The following PCDHGB4 variants were observed in gnomAD, a reference collection of about 807,000 sequenced individuals.
PCDHGB4 encodes protocadherin gamma-B4.
PCDHGB4 carries 38 observed loss-of-function variants against 60.5 expected under a neutral mutation model. The ratio of observed to expected loss-of-function variants is 0.63; its 90% CI spans 0.48 to 0.82. The LOEUF is 0.82. PCDHGB4 is among the 40% of genes least tolerant of loss of function. The pLI is 0.00. For missense variants in PCDHGB4, 1,109 were observed against 1,209.6 expected, an observed-to-expected ratio of 0.92 and a Z score of 1.23; for synonymous variants, 456 against 509.7, an observed-to-expected ratio of 0.89 and a Z score of 1.42.
intron 1 of PCDHGB4, chr5:141,422,122 A>G (rs758254144): frequency 6.2e-7 from 1 of 1,601,596 alleles, no homozygotes; most frequent in African/African-American, 1.4e-5. Context: ...GGATTCACAA[A>G]CTGGAGAAGT....
Position 141,389,296 on chromosome 5 carries a change from A to C in PCDHGB4, c.1412A>C (p.Gln471Pro). ...AACCCGCCTGGAGCCTCTATTTCACAAGTCAGGGCTTCTGATCCGGACTTG... is the reference window on the plus strand; with the variant it reads ...AACCCGCCTGGAGCCTCTATTTCACCAGTCAGGGCTTCTGATCCGGACTTG... ...ENNPPGASIS[Q>P]VRASDPDLGP... The change falls in exon 1 of 4, where the codon CAA becomes CCA. Residue 471 changes from glutamine (Q) to proline (P), a missense_variant. This residue lies in a region of PCDHGB4 where 1,068 missense variants were observed against 1,089.9 expected (regional missense o/e 0.98). Transcript: ENST00000519479. 1 of 1,613,988 alleles carries C rather than the reference A, an allele frequency of 6.2e-7. No homozygotes were observed. Among genetic ancestry groups the C allele is most frequent in the African/African-American group, 1.3e-5 (1 of 75,074 alleles).
chr5:141,505,494 A>G lies in PCDHGB4; in HGVS notation c.2545+13A>G. ...GCGTCCGCCAGTGGTAAGTGGTGTC[A>G]GTGTGTGTATGGAAGAGTGGGAGAC... is the stretch of plus-strand genomic sequence containing the variant. On this transcript the variant is annotated intron_variant, in intron 3 of 3. Transcript: ENST00000519479. The G allele has an allele frequency of 6.8e-6, 11 of 1,614,198 alleles. No homozygotes were observed. Among genetic ancestry groups the G allele is most frequent in the Non-Finnish European group, 9.3e-6 (11 of 1,180,006 alleles).
chr5:141,448,814 G>A (rs967588194), intron 1 of PCDHGB4, among the ~76,000 whole-genome samples: 14 of 152,122 alleles, frequency 9.2e-5, no homozygotes, highest in Non-Finnish European at 1.8e-4. Flanking sequence ...GCGTGATGGC[G>A]GGCGCCTGTA....
At position 141,486,543 on chromosome 5, in the gene PCDHGB4, A is replaced by G; in HGVS notation, c.2398-8264A>G. Reference sequence around the variant, plus strand: ...AATGATAATCCACCCTCTTTCTTTCAGAGGTCACATGAGGTGTTTGTTCCT... The same window carrying G: ...AATGATAATCCACCCTCTTTCTTTCGGAGGTCACATGAGGTGTTTGTTCCT... On this transcript the variant is annotated intron_variant, in intron 1 of 3. Transcript: ENST00000519479. This position sits in a 1 kb window ranked among gnomAD's most constrained non-coding sequence, Gnocchi z 5.0. 6.2e-7 allele frequency: 1 copy of G among 1,614,080 alleles called. No individual in the cohort carries two copies. Among genetic ancestry groups the G allele is most frequent in the Non-Finnish European group, 8.5e-7 (1 of 1,180,020 alleles).
intron 1 of PCDHGB4, chr5:141,423,108 GC>G: frequency 1.2e-6 from 2 of 1,613,864 alleles, no homozygotes; most frequent in African/African-American, 2.7e-5. Flanking sequence ...CGGGCGAGGT[GC>G]GTACAGCGCG....
At chr5:141,422,911 G>A (rs375046528) in intron 1 of PCDHGB4, 5 of 1,614,118 alleles carry the variant, frequency 3.1e-6, no homozygotes, top group African/African-American at 2.7e-5. Flanking sequence ...CAATGCGCCC[G>A]AGATCCTGTA....
chr5:141,395,107 A>G (rs2093174446), intron 1 of PCDHGB4: 1 of 1,614,212 alleles, frequency 6.2e-7, no homozygotes, highest in African/African-American at 1.3e-5. Context: ...GACTCGCGGA[A>G]GAGTCACCTG....
chr5:141,438,983 T>C (rs1296267457), intron 1 of PCDHGB4, among the ~76,000 whole-genome samples: 1 of 151,930 alleles, frequency 6.6e-6, no homozygotes, highest in Non-Finnish European at 1.5e-5. Context: ...TGACTTATCT[T>C]AAAAGGCTAA....
chr5:141,485,095 TC>T lies in PCDHGB4; in HGVS notation c.2398-9710del, dbSNP rs1040164730. ...GCGCGGGGAAAGGGAGATAGGTGTCTCCAGCTGCTGTGGCTGTTTGGGGCGG... is the reference window on the plus strand; with the variant it reads ...GCGCGGGGAAAGGGAGATAGGTGTCTCAGCTGCTGTGGCTGTTTGGGGCGG... On this transcript the variant is annotated intron_variant, in intron 1 of 3. Coordinates refer to ENST00000519479, the MANE Select transcript of PCDHGB4 (RefSeq NM_003736.4). This position sits in a 1 kb window ranked among gnomAD's most constrained non-coding sequence, Gnocchi z 5.7. 6.8e-5 allele frequency: 76 copies of T among 1,115,798 alleles called. No homozygotes were observed. Among genetic ancestry groups the T allele is most frequent in the South Asian group, 4.6e-4 (33 of 71,042 alleles). The allele number at this position is 1,115,798 out of a possible 1,614,324, so 69.1% of individuals were successfully genotyped here. A position where few individuals can be genotyped will look rare whatever the true frequency, so the allele number is the denominator to read the frequency against.
In PCDHGB4 at chr5:141,486,017, A is replaced by G. The variant is rs746747518; in HGVS notation, c.2398-8790A>G. On this transcript the variant is annotated intron_variant, in intron 1 of 3. Transcript: ENST00000519479. The surrounding 1 kb of genome is among the most constrained non-coding windows in gnomAD (Gnocchi z 5.0). ...CAGTGGTAACGTCACCTTTTATTTC[A>G]GTGGTCATACCCCTGATCGTGTAAG... The G allele has an allele frequency of 6.2e-7, 1 of 1,614,176 alleles. No homozygotes were observed. The highest frequency in any genetic ancestry group is 1.7e-5 in the Admixed American group (1 of 60,026).
Position 141,410,123 on chromosome 5 carries a change from C to T in PCDHGB4, c.2397+19842C>T. ...AGGCGACAGGGACGCAGCCCGCCAG[C>T]GCCTGCTGGTCGCTGTGCGTGACGG... On this transcript the variant is annotated intron_variant, in intron 1 of 3. Coordinates refer to ENST00000519479, the MANE Select transcript of PCDHGB4 (RefSeq NM_003736.4). The T allele has an allele frequency of 1.2e-6, 2 of 1,612,780 alleles. No individual in the cohort carries two copies. The highest frequency in any genetic ancestry group is 1.7e-6 in the Non-Finnish European group (2 of 1,179,646).
intron 1 of PCDHGB4, chr5:141,415,110 C>A: frequency 6.2e-7 from 1 of 1,613,666 alleles, no homozygotes; most frequent in Middle Eastern, 1.7e-4. Flanking sequence ...TCAAGCAAAG[C>A]CTCGTAGTGG....
At chr5:141,452,908 A>G (rs747849272) in intron 1 of PCDHGB4, among the ~76,000 whole-genome samples, 5 of 152,222 alleles carry the variant, frequency 3.3e-5, no homozygotes, top group African/African-American at 4.8e-5. Flanking sequence ...AGTTGGCATT[A>G]TACAGTAAGA....
chr5:141,431,674 G>A lies in PCDHGB4; in HGVS notation c.2397+41393G>A, dbSNP rs756385496. ...ATTCAGGGACAATATCAACAATAGG[G>A]GAGTTGGACCACGAGGAGTCAGGAT... On this transcript the variant is annotated intron_variant, in intron 1 of 3. Transcript: ENST00000519479. The surrounding 1 kb of genome is among the most constrained non-coding windows in gnomAD (Gnocchi z 4.8). 4 of 1,614,234 alleles carry A rather than the reference G, an allele frequency of 2.5e-6. No individual in the cohort carries two copies. The Admixed American group carries it at 6.7e-5, about 27-fold the overall frequency.
chr5:141,477,393 G>C lies in PCDHGB4; in HGVS notation c.2398-17414G>C. ...GAGACTGTGCCAGAATACAACCTCA[G>C]CATCACCGCCCGAGACGCCGGAACC... On this transcript the variant is annotated intron_variant, in intron 1 of 3. Coordinates refer to ENST00000519479, the MANE Select transcript of PCDHGB4 (RefSeq NM_003736.4). The surrounding 1 kb of genome is among the most constrained non-coding windows in gnomAD (Gnocchi z 4.9). The C allele has an allele frequency of 6.2e-7, 1 of 1,614,098 alleles. No individual in the cohort carries two copies. The highest frequency in any genetic ancestry group is 8.5e-7 in the Non-Finnish European group (1 of 1,180,028).
intron 1 of PCDHGB4, chr5:141,478,782 T>C: frequency 6.7e-7 from 1 of 1,485,212 alleles, no homozygotes. Context: ...GTGGACCTAA[T>C]TCACATCCTC....
In PCDHGB4 at chr5:141,459,764, A is replaced by G. The variant is rs980972909; in HGVS notation, c.2398-35043A>G. On this transcript the variant is annotated intron_variant, in intron 1 of 3. Transcript: ENST00000519479. ...TTTTAGCAATTCTAGTGGGTGTGTG[A>G]TACTATCTCATTGAAGTTTCAACTG... Among the ~76,000 whole-genome samples, 56 of 152,208 alleles carry G rather than the reference A, an allele frequency of 3.7e-4. 1 individual carries two copies. Among genetic ancestry groups the G allele is most frequent in the Admixed American group, 6.5e-5 (1 of 15,274 alleles).
chr5:141,415,368 T>C (rs762653261), intron 1 of PCDHGB4: 1 of 1,614,244 alleles, frequency 6.2e-7, no homozygotes, highest in Non-Finnish European at 8.5e-7. Context: ...TGCTGCAGGC[T>C]TCAGGAGGCG....
chr5:141,391,493 G>A (rs949161885), intron 1 of PCDHGB4: 1 of 151,954 alleles, frequency 6.6e-6, no homozygotes, highest in Non-Finnish European at 1.5e-5. Context: ...TCTGTTTTCA[G>A]TAGAGAAAAT....
Sources: gnomAD v4.1 joint callset for allele counts (sites outside exome capture counted in the v4.1 genomes callset) on GRCh38, gnomAD v4.1.1 for gene constraint, gnomAD v4.1.1 regional missense constraint, Gnocchi (gnomAD v3.1) non-coding constraint, MANE v1.5 for transcripts, NCBI Gene and HGNC (gene_info 2026-07-23, HGNC 2026-07-21) for gene names.